KIF19: variants seen among roughly 807,000 people sequenced by gnomAD.
The protein encoded by KIF19 is kinesin family member 19, also known as kinesin-like protein KIF19.
In KIF19, 98 loss-of-function variants were observed where a neutral mutation model predicts 106.6. That is an observed-to-expected ratio of 0.92 (90% CI 0.78 to 1.09). KIF19 has a LOEUF of 1.09. Among genes scored for constraint, KIF19 ranks in the 50% least tolerant of loss-of-function variants. The pLI is 0.00. For missense variants in KIF19, 1,373 were observed against 1,414.3 expected, an observed-to-expected ratio of 0.97 and a Z score of 0.47; for synonymous variants, 516 against 584.2, an observed-to-expected ratio of 0.88 and a Z score of 1.68.
At chr17:74,333,584 C>G (rs531964708) in intron 2 of KIF19, among the ~76,000 whole-genome samples, 42 of 152,246 alleles carry the variant, frequency 2.8e-4, no homozygotes, top group African/African-American at 9.9e-4. Context: ...TGGTCTCGAA[C>G]TCCTGACTTC....
chr17:74,326,836 C>T (rs887361958), intron 1 of KIF19, among the ~76,000 whole-genome samples: 6 of 152,148 alleles, frequency 3.9e-5, no homozygotes, highest in Admixed American at 6.5e-5. Context: ...AAGACAAGGG[C>T]CCCTGGTGTC....
chr17:74,346,338 C>T lies in KIF19; in HGVS notation c.778-40C>T. The T allele has an allele frequency of 6.5e-7, 1 of 1,544,820 alleles. No homozygotes were observed. The highest frequency in any genetic ancestry group is 8.8e-7 in the Non-Finnish European group (1 of 1,141,314). ...GGCTGGGGAGAAACCCAGTCCCCTG[C>T]CTCATCAGGCCACACGTGTGCCCTT... On this transcript the variant is annotated intron_variant, in intron 7 of 19. Transcript: ENST00000389916. This position sits in a 1 kb window ranked among gnomAD's most constrained non-coding sequence, Gnocchi z 4.6.
intron 2 of KIF19, among the ~76,000 whole-genome samples, chr17:74,335,888 C>T (rs866346685): frequency 6.6e-6 from 1 of 152,234 alleles, no homozygotes; most frequent in Non-Finnish European, 1.5e-5. Context: ...TGGCAACACT[C>T]AGCTCCCTAT....
At chr17:74,342,231 G>A (rs1277171751) in intron 3 of KIF19, among the ~76,000 whole-genome samples, 1 of 152,222 alleles carries the variant, frequency 6.6e-6, no homozygotes. Flanking sequence ...CAACTCGCTT[G>A]GCTCCTACTG....
intron 2 of KIF19, among the ~76,000 whole-genome samples, chr17:74,332,193 TGTGTGTGTGTGTGTGTTTGTGTG>T (rs1567897440): frequency 6.5e-5 from 4 of 61,220 alleles, no homozygotes; most frequent in African/African-American, 2.4e-4. Context: ...TGTGTGTGTG[TGTGTGTGTGTGTGTGTTTGTGTG>T]TGTGTGTGTG....
chr17:74,347,673 A>G (rs892568358), intron 8 of KIF19, 104 bp from the exon 9 acceptor site: 27 of 1,372,394 alleles, frequency 2.0e-5, no homozygotes, highest in Non-Finnish European at 2.4e-5. Context: ...TTAAGTGTAA[A>G]GAGACAGAGA....
intron 2 of KIF19, among the ~76,000 whole-genome samples, chr17:74,338,271 G>A (rs575359725): frequency 1.1e-4 from 17 of 152,328 alleles, no homozygotes; most frequent in South Asian, 4.1e-4. Context: ...GACCCATACC[G>A]GGGAACTCAG....
At position 74,333,725 on chromosome 17, in the gene KIF19, G is replaced by C. The variant is rs546268494; in HGVS notation, c.120+5220G>C. On this transcript the variant is annotated intron_variant, in intron 2 of 19. Transcript: ENST00000389916. The stretch of plus-strand genomic sequence containing the variant: ...CCTTATGTTGTGCATAATCCTCTAG[G>C]TTGCAAGGATCCTTACACTCAGCAT... Among the ~76,000 whole-genome samples, 9 of 152,066 alleles carry C rather than the reference G, an allele frequency of 5.9e-5. No homozygotes were observed. In the South Asian group the frequency reaches 1.9e-3, roughly 32 times the overall value.
Position 74,331,530 on chromosome 17 carries a change from A to G in KIF19, c.120+3025A>G, listed in dbSNP as rs1351461684. On this transcript the variant is annotated intron_variant, in intron 2 of 19. Coordinates refer to ENST00000389916, the MANE Select transcript of KIF19 (RefSeq NM_153209.4). The surrounding 1 kb of genome is among the most constrained non-coding windows in gnomAD (Gnocchi z 4.1). Reference sequence around the variant, plus strand: ...CCACAGGCGGAGAGTCCTCTGGGACAGGAACCCAGGGTGCTTGGATTCTGG... The same window carrying G: ...CCACAGGCGGAGAGTCCTCTGGGACGGGAACCCAGGGTGCTTGGATTCTGG... 1.3e-5 allele frequency among the ~76,000 whole-genome samples: 2 copies of G among 151,906 alleles called. No homozygotes were observed. The highest frequency in any genetic ancestry group is 4.8e-5 in the African/African-American group (2 of 41,338).
intron 4 of KIF19, 110 bp downstream of exon 4, chr17:74,342,827 C>T (rs2054418824): frequency 8.0e-7 from 1 of 1,246,166 alleles, no homozygotes; most frequent in Non-Finnish European, 1.1e-6. Flanking sequence ...TGTGGTCGCT[C>T]CACATCTCAC....
In KIF19 at chr17:74,353,337, A is replaced by G. The variant is rs201184643; in HGVS notation, c.2220+36A>G. 1.6e-5 allele frequency: 25 copies of G among 1,523,300 alleles called. No individual in the cohort carries two copies. The East Asian group carries it at 5.4e-4, about 33-fold the overall frequency. The allele number at this position is 1,523,300 out of a possible 1,614,324, so 94.4% of individuals were successfully genotyped here. ...AGTACCCGATGGCCCCACGAGCTCC[A>G]CTGCAGCGGGTGCGGGACATGGGGG... On this transcript the variant is annotated intron_variant, in intron 16 of 19. Coordinates refer to ENST00000389916, the MANE Select transcript of KIF19 (RefSeq NM_153209.4).
chr17:74,327,828 G>A (rs969754601), intron 1 of KIF19, among the ~76,000 whole-genome samples: 15 of 152,234 alleles, frequency 9.9e-5, no homozygotes, highest in Non-Finnish European at 1.5e-4. Context: ...CCCAGCAGCT[G>A]TTGCCCTTTG....
In KIF19 at chr17:74,349,256, G is replaced by A. The variant is rs534462150; in HGVS notation, c.1120G>A (p.Glu374Lys). 1.1e-5 allele frequency: 17 copies of A among 1,613,552 alleles called. No homozygotes were observed. Among genetic ancestry groups the A allele is most frequent in the Middle Eastern group, 1.7e-4 (1 of 6,058 alleles). ...CAGCATCATCGCTGACCTGCGGGGC[G>A]AGATCCAGCGACTCAAGCGCAAGAT... ...YTSIIADLRG[E>K]IQRLKRKIDE... The change falls in exon 10 of 20, where the codon GAG (glutamate) becomes AAG (lysine). Residue 374 changes from glutamate to lysine, a missense_variant. Glu to Lys is a moderately conservative substitution (Grantham distance 56). Coordinates refer to ENST00000389916, the MANE Select transcript of KIF19 (RefSeq NM_153209.4).
intron 9 of KIF19, among the ~76,000 whole-genome samples, chr17:74,348,361 C>CT (rs2054597560): frequency 6.6e-6 from 1 of 152,280 alleles, no homozygotes; most frequent in African/African-American, 2.4e-5. Flanking sequence ...AGTTAAGTGA[C>CT]TTCCCAGCTG....
chr17:74,353,239 G>A lies in KIF19; in HGVS notation c.2158G>A (p.Ala720Thr), dbSNP rs765279025. 6.8e-5 allele frequency: 108 copies of A among 1,587,906 alleles called. No homozygotes were observed. Among genetic ancestry groups the A allele is most frequent in the Admixed American group, 3.2e-4 (18 of 56,072 alleles). The part of the protein sequence containing the change: ...VFKAGTGAWQ[A>T]KSSSVPTPPP... ...CAAGGCTGGTACTGGGGCCTGGCAG[G>A]CAAAAAGCTCCTCTGTGCCCACCCC... The change falls in exon 16 of 20, where the codon GCA becomes ACA. Residue 720 changes from alanine to threonine, a missense_variant. Coordinates refer to ENST00000389916, the MANE Select transcript of KIF19 (RefSeq NM_153209.4).
rs1039641517 is a variant in KIF19 at position 74,351,019 on chromosome 17, G to T, written c.1587+114G>T. The T allele has an allele frequency of 3.9e-6, 4 of 1,034,966 alleles. No homozygotes were observed. The African/African-American group carries it at 4.7e-5, about 12-fold the overall frequency. 64.1% of individuals were successfully genotyped at this position (1,034,966 alleles called of 1,614,324 possible). ...GTAGCCGTGAGACTTGGGAACTCAG[G>T]CCACAAATCCTGTGTGACTTTGCTA... On this transcript the variant is annotated intron_variant, in intron 12 of 19. Transcript: ENST00000389916.
Position 74,346,259 on chromosome 17 carries a change from C to A in KIF19, c.778-119C>A. The A allele has an allele frequency of 8.4e-7, 1 of 1,187,988 alleles. No individual in the cohort carries two copies. The highest frequency in any genetic ancestry group is 1.5e-5 in the South Asian group (1 of 65,052). The allele number at this position is 1,187,988 out of a possible 1,614,324, so 73.6% of individuals were successfully genotyped here. A position where few individuals can be genotyped will look rare whatever the true frequency, so the allele number is the denominator to read the frequency against. Reference sequence around the variant, plus strand: ...AGTGGCCTTGGCAGGAGGACGGCCACAAGGTCCTTGGGGGTTTATTACCCA... The same window carrying A: ...AGTGGCCTTGGCAGGAGGACGGCCAAAAGGTCCTTGGGGGTTTATTACCCA... On this transcript the variant is annotated intron_variant, in intron 7 of 19. Coordinates refer to ENST00000389916, the MANE Select transcript of KIF19 (RefSeq NM_153209.4). The surrounding 1 kb of genome is among the most constrained non-coding windows in gnomAD (Gnocchi z 4.6).
rs1359494889 is a variant in KIF19, at chr17:74,331,718, G to A, written c.120+3213G>A. ...CAGCCTCCCATGTAGCTGGGATTAC[G>A]GGCGCGCGCCACCGTGCCCAGCTAA... On this transcript the variant is annotated intron_variant, in intron 2 of 19. Transcript: ENST00000389916. This position sits in a 1 kb window ranked among gnomAD's most constrained non-coding sequence, Gnocchi z 4.1. 2.6e-5 allele frequency among the ~76,000 whole-genome samples: 4 copies of A among 151,686 alleles called. No individual in the cohort carries two copies. Among genetic ancestry groups the A allele is most frequent in the East Asian group, 1.9e-4 (1 of 5,148 alleles).
intron 8 of KIF19, 131 bp from the exon 9 acceptor site, chr17:74,347,646 C>A: frequency 9.4e-7 from 1 of 1,066,496 alleles, no homozygotes; most frequent in Non-Finnish European, 1.3e-6. Flanking sequence ...CCATATGACG[C>A]TCAGCAGCCG....
Sources: allele counts gnomAD v4.1 joint callset (sites outside exome capture counted in the v4.1 genomes callset), GRCh38; gene constraint gnomAD v4.1.1; non-coding constraint Gnocchi (gnomAD v3.1); transcripts MANE v1.5; gene names NCBI Gene and HGNC (gene_info 2026-07-23, HGNC 2026-07-21).